Variants in LRP1B observed in about 807,000 individuals in gnomAD.
LRP1B encodes the protein low-density lipoprotein receptor-related protein 1B.
Under a neutral mutation model 556.6 loss-of-function variants are expected in LRP1B, and 217 were observed. The ratio of observed to expected loss-of-function variants is 0.39; its 90% CI spans 0.35 to 0.44. The LOEUF is 0.44. Ranked by LOEUF, LRP1B falls within the 20% of genes least tolerant of loss-of-function variation. The pLI is 1.00. For missense variants in LRP1B, 5,053 were observed against 5,620.8 expected (o/e 0.90, Z 3.23); for synonymous variants, 2,047 against 1,865.8 (o/e 1.10, Z -2.50).
chr2:140,888,586 G>A (rs983670289), intron 23 of LRP1B, among the ~76,000 whole-genome samples: 1 of 151,620 alleles, frequency 6.6e-6, no homozygotes, highest in Admixed American at 6.6e-5. Flanking sequence ...AAACAGATGA[G>A]TAAGATATGC....
intron 6 of LRP1B, among the ~76,000 whole-genome samples, chr2:141,204,811 C>T (rs1366633770): frequency 1.3e-5 from 2 of 151,958 alleles, no homozygotes; most frequent in African/African-American, 2.4e-5. Context: ...GTGGCAGGTG[C>T]CTGTAATCCC....
At position 141,749,815 on chromosome 2, in the gene LRP1B, T is replaced by C. The variant is rs535239010; in HGVS notation, c.205+60464A>G. Among the ~76,000 whole-genome samples, 3 of 152,182 alleles carry C rather than the reference T, an allele frequency of 2.0e-5. No individual in the cohort carries two copies. The South Asian group carries it at 6.2e-4, about 32-fold the overall frequency. On this transcript the variant is annotated intron_variant, in intron 2 of 90. Coordinates refer to ENST00000389484, the MANE Select transcript of LRP1B (RefSeq NM_018557.3). ...TCTAAATTATGAACCTCCTGTGAGG[T>C]ATGGCTTTACTTGCTGTAAAATATC...
intron 66 of LRP1B, among the ~76,000 whole-genome samples, chr2:140,402,677 A>G (rs1162895604): frequency 6.6e-6 from 1 of 152,118 alleles, no homozygotes; most frequent in Admixed American, 6.5e-5. Context: ...CTTCCACCTG[A>G]TAAGACCTCA....
chr2:140,672,251 G>A (rs1183504318), intron 41 of LRP1B, among the ~76,000 whole-genome samples: 1 of 152,090 alleles, frequency 6.6e-6, no homozygotes, highest in East Asian at 1.9e-4. Context: ...ACTTTGGGAG[G>A]CCAAGGCGGC....
chr2:142,078,478 T>G (rs1049773856), intron 1 of LRP1B, among the ~76,000 whole-genome samples: 9 of 152,130 alleles, frequency 5.9e-5, no homozygotes, highest in African/African-American at 1.9e-4. Context: ...TGTATTAGAT[T>G]TGAGGTCAGA....
At chr2:140,660,790 A>G in intron 41 of LRP1B, among the ~76,000 whole-genome samples, 1 of 151,988 alleles carries the variant, frequency 6.6e-6, no homozygotes, top group East Asian at 1.9e-4. Flanking sequence ...ATGTCTGAAA[A>G]TGTCTGCATT....
At chr2:140,885,356 C>CTTT (rs548264984) in intron 24 of LRP1B, among the ~76,000 whole-genome samples, 1 of 138,958 alleles carries the variant, frequency 7.2e-6, no homozygotes, top group African/African-American at 2.6e-5. Context: ...CAACGGCTTC[C>CTTT]TTTTTTTTTT....
At chr2:140,799,682 A>G (rs377582564) in intron 32 of LRP1B, among the ~76,000 whole-genome samples, 12 of 152,222 alleles carry the variant, frequency 7.9e-5, no homozygotes, top group East Asian at 7.7e-4. Context: ...CTCAGTGCAT[A>G]TATAACTTAG....
chr2:142,115,693 GTAATA>G lies in LRP1B; in HGVS notation c.82+14950_82+14954del, dbSNP rs1559080263. 8.4e-4 allele frequency among the ~76,000 whole-genome samples: 11 copies of G among 13,144 alleles called. 5 individuals carry two copies. The highest frequency in any genetic ancestry group is 2.3e-3 in the African/African-American group (9 of 3,916). The allele number at this position is 13,144 out of a possible 152,430, so 8.6% of individuals were successfully genotyped here. ...TATGTAATATATATATAATATATAT[GTAATA>G]TATATATAATATATATGTAATATAT... On this transcript the variant is annotated intron_variant, in intron 1 of 90. Coordinates refer to ENST00000389484, the MANE Select transcript of LRP1B (RefSeq NM_018557.3).
intron 1 of LRP1B, among the ~76,000 whole-genome samples, chr2:141,873,092 G>A (rs112681156): frequency 0.021 from 3,236 of 152,088 alleles, 45 homozygotes; most frequent in Non-Finnish European, 0.033. Context: ...CAAAGGTGGG[G>A]ACAAATGGAA....
intron 7 of LRP1B, among the ~76,000 whole-genome samples, chr2:141,085,043 C>T (rs1700019146): frequency 6.7e-6 from 1 of 148,918 alleles, no homozygotes; most frequent in African/African-American, 2.5e-5. Context: ...GTTTTCAAAC[C>T]TTAAATTCAA....
intron 1 of LRP1B, among the ~76,000 whole-genome samples, chr2:141,996,626 A>G (rs1702498061): frequency 6.6e-6 from 1 of 152,186 alleles, no homozygotes; most frequent in South Asian, 2.1e-4. Flanking sequence ...GAACTATGAC[A>G]TAGCAGTTCT....
chr2:140,505,914 C>T (rs1291427142), intron 53 of LRP1B, among the ~76,000 whole-genome samples: 1 of 152,146 alleles, frequency 6.6e-6, no homozygotes, highest in Non-Finnish European at 1.5e-5. Context: ...TACAGTTAAA[C>T]TTCAACTGAG....
chr2:140,953,507 C>A (rs561096717), intron 18 of LRP1B, among the ~76,000 whole-genome samples: 2 of 152,288 alleles, frequency 1.3e-5, no homozygotes, highest in Admixed American at 1.3e-4. Flanking sequence ...GAAGACAACG[C>A]AGAGAATATT....
At chr2:141,263,841 T>C (rs1039092692) in intron 3 of LRP1B, among the ~76,000 whole-genome samples, 1 of 151,994 alleles carries the variant, frequency 6.6e-6, no homozygotes, top group African/African-American at 2.4e-5. Context: ...AATCAATTAA[T>C]CCAGATCACC....
chr2:141,076,193 G>T (rs916510281), intron 7 of LRP1B, among the ~76,000 whole-genome samples: 2 of 152,158 alleles, frequency 1.3e-5, no homozygotes, highest in Non-Finnish European at 2.9e-5. Context: ...GACTAAAAAG[G>T]CCAAATGAAG....
At chr2:142,024,689 G>T (rs537326575) in intron 1 of LRP1B, among the ~76,000 whole-genome samples, 1 of 132,152 alleles carries the variant, frequency 7.6e-6, no homozygotes, top group African/African-American at 2.9e-5. Flanking sequence ...ACTAAAATCT[G>T]TGTGACATAG....
intron 1 of LRP1B, among the ~76,000 whole-genome samples, chr2:141,880,610 T>C (rs2104893028): frequency 6.6e-6 from 1 of 151,998 alleles, no homozygotes; most frequent in East Asian, 1.9e-4. Context: ...AAATGAGAAA[T>C]TGATAGATGT....
intron 41 of LRP1B, among the ~76,000 whole-genome samples, chr2:140,648,860 C>A (rs2105315649): frequency 6.6e-6 from 1 of 152,130 alleles, no homozygotes; most frequent in African/African-American, 2.4e-5. Context: ...GTGGCATAAC[C>A]CCTCACACAA....
Sources: gnomAD v4.1 joint callset for allele counts (sites outside exome capture counted in the v4.1 genomes callset) on GRCh38, gnomAD v4.1.1 for gene constraint, MANE v1.5 for transcripts, NCBI Gene and HGNC (gene_info 2026-07-23, HGNC 2026-07-21) for gene names.